Variants in DMD observed in about 807,000 individuals in gnomAD.
DMD encodes the protein mutant dystrophin.
A neutral mutation model predicts 330.1 loss-of-function variants in DMD; 63 were observed. The observed-to-expected ratio is 0.19, with a 90% CI of 0.16 to 0.24. The LOEUF (loss-of-function observed/expected upper bound fraction) is 0.24. Among genes scored for constraint, DMD ranks in the 10% least tolerant of loss-of-function variants. DMD has a pLI of 1.00. For missense variants in DMD, 3,344 were observed against 2,684.1 expected, an observed-to-expected ratio of 1.25 and a Z score of -5.43; for synonymous variants, 1,223 against 959.8, an observed-to-expected ratio of 1.27 and a Z score of -5.07.
chrX:32,228,928 A>T (rs1372160182), intron 43 of DMD, among the ~76,000 whole-genome samples: 2 of 112,033 alleles, frequency 1.8e-5, no homozygotes, highest in African/African-American at 6.5e-5. Flanking sequence ...TAAGTACATG[A>T]TTAAATATAC....
chrX:32,656,930 C>A (rs1021302769), intron 9 of DMD, among the ~76,000 whole-genome samples: 9 of 110,876 alleles, frequency 8.1e-5, no homozygotes, highest in Non-Finnish European at 7.6e-5. Flanking sequence ...AAATATATGT[C>A]TTCCCAATAT....
chrX:32,377,888 G>C (rs1222743194), intron 34 of DMD, among the ~76,000 whole-genome samples: 2 of 110,761 alleles, frequency 1.8e-5, no homozygotes, highest in Admixed American at 1.9e-4. Context: ...ACAATTGCTA[G>C]ACTACTTTAG....
intron 50 of DMD, among the ~76,000 whole-genome samples, chrX:31,775,671 C>T (rs949020003): frequency 1.8e-5 from 2 of 110,762 alleles, no homozygotes; most frequent in African/African-American, 3.3e-5. Flanking sequence ...AACCAGTGAA[C>T]GATTCTAAGA....
At chrX:32,910,593 C>A (rs2087144237) in intron 2 of DMD, among the ~76,000 whole-genome samples, 1 of 110,375 alleles carries the variant, frequency 9.1e-6, no homozygotes, top group African/African-American at 3.3e-5. Context: ...CGCCGCCATG[C>A]CTGGCTAATT....
chrX:32,145,882 C>G (rs754022612), intron 44 of DMD, among the ~76,000 whole-genome samples: 1 of 111,779 alleles, frequency 8.9e-6, no homozygotes, highest in South Asian at 3.7e-4. Context: ...TTACTGTAAA[C>G]TATCGGTAGG....
At chrX:31,509,713 C>T (rs1200428298) in intron 55 of DMD, among the ~76,000 whole-genome samples, 1 of 111,684 alleles carries the variant, frequency 9.0e-6, no homozygotes, top group Non-Finnish European at 1.9e-5. Flanking sequence ...TCATCTTTGC[C>T]ATATATATTA....
intron 44 of DMD, among the ~76,000 whole-genome samples, chrX:32,076,235 C>G (rs1603624174): frequency 9.2e-6 from 1 of 108,883 alleles, no homozygotes; most frequent in East Asian, 2.9e-4. Context: ...GTACAAGCAG[C>G]TATGATACAA....
At chrX:32,872,339 C>G (rs764539478) in intron 2 of DMD, among the ~76,000 whole-genome samples, 1 of 111,838 alleles carries the variant, frequency 8.9e-6, no homozygotes, top group African/African-American at 3.2e-5. Context: ...TCACCTACCT[C>G]GAACCATCCT....
intron 7 of DMD, among the ~76,000 whole-genome samples, chrX:32,806,792 A>G (rs148295551): frequency 0.09 from 8,676 of 96,271 alleles, 791 homozygotes; most frequent in African/African-American, 0.3. Context: ...TAAGAAACTC[A>G]CTCAAAACCA....
intron 74 of DMD, among the ~76,000 whole-genome samples, chrX:31,165,872 C>T (rs2039367683): frequency 8.9e-6 from 1 of 111,880 alleles, no homozygotes; most frequent in African/African-American, 3.2e-5. Flanking sequence ...TTAGCTTTTA[C>T]TCAGAGCTTT....
intron 50 of DMD, among the ~76,000 whole-genome samples, chrX:31,777,919 C>T (rs1259350212): frequency 1.8e-5 from 2 of 111,841 alleles, no homozygotes; most frequent in East Asian, 5.6e-4. Context: ...GTACTCTGAA[C>T]CAGATTTGAC....
At chrX:32,960,084 G>A (rs2091817928) in intron 2 of DMD, 1 of 111,404 alleles carries the variant, frequency 9.0e-6, no homozygotes, top group Admixed American at 9.6e-5. Flanking sequence ...TTCCATAGAG[G>A]TGCCTCTCAT....
At chrX:32,767,692 G>C (rs2073152305) in intron 7 of DMD, among the ~76,000 whole-genome samples, 1 of 111,600 alleles carries the variant, frequency 9.0e-6, no homozygotes, top group Non-Finnish European at 1.9e-5. Context: ...ATGCTATTTT[G>C]TCAATAGGAT....
At chrX:31,430,775 T>A (rs2063996760) in intron 60 of DMD, among the ~76,000 whole-genome samples, 1 of 107,958 alleles carries the variant, frequency 9.3e-6, no homozygotes, top group Non-Finnish European at 1.9e-5. Context: ...TCCTGACTTG[T>A]TTGAAGCAAG....
At chrX:33,260,889 C>T (rs138572365) in intron 1 of DMD, among the ~76,000 whole-genome samples, 1,691 of 111,364 alleles carry the variant, frequency 0.015, 32 homozygotes, top group African/African-American at 0.053. Flanking sequence ...TATTTGTGGA[C>T]CTGTTTTCCA....
intron 1 of DMD, among the ~76,000 whole-genome samples, chrX:33,283,527 AAG>A (rs1491489097): frequency 1.0e-5 from 1 of 99,859 alleles, no homozygotes; most frequent in African/African-American, 3.5e-5. Context: ...TTTGGTCTCA[AAG>A]AAAAAAAAAA....
At chrX:32,483,735 T>C (rs780270252) in intron 21 of DMD, among the ~76,000 whole-genome samples, 1 of 91,847 alleles carries the variant, frequency 1.1e-5, no homozygotes, top group East Asian at 3.8e-4. Flanking sequence ...TATACTGAAA[T>C]CCACTAGAGG....
intron 44 of DMD, among the ~76,000 whole-genome samples, chrX:32,033,645 GA>G (rs3038564): frequency 0.23 from 9,708 of 42,567 alleles, 783 homozygotes; most frequent in East Asian, 0.36. Flanking sequence ...AAGAAAGAAA[GA>G]AAGAAAGAAG....
chrX:33,240,943 T>C (rs938151440), intron 1 of DMD, among the ~76,000 whole-genome samples: 2 of 112,213 alleles, frequency 1.8e-5, no homozygotes, highest in Non-Finnish European at 3.8e-5. Context: ...GAGTTACTGA[T>C]CTATTTTGGC....
Sources: allele counts gnomAD v4.1 joint callset (sites outside exome capture counted in the v4.1 genomes callset), GRCh38; gene constraint gnomAD v4.1.1; transcripts MANE v1.5; gene names NCBI Gene and HGNC (gene_info 2026-07-23, HGNC 2026-07-21).